Variants in NTM observed in about 807,000 individuals in gnomAD.
The protein encoded by NTM is IgLON family member 2.
In NTM, 13 loss-of-function variants were observed where a neutral mutation model predicts 42.1. That is an observed-to-expected ratio of 0.31 (90% CI 0.20 to 0.49). The LOEUF (loss-of-function observed/expected upper bound fraction) is 0.49, where lower values mean the gene tolerates loss of function less well. NTM is among the 20% of genes least tolerant of loss of function. The pLI, the probability that NTM is intolerant of heterozygous loss-of-function variation, is 0.99. For synonymous variants in NTM, 187 were observed against 179.2 expected (o/e 1.04, Z -0.35); for missense variants, 373 against 452.8 (o/e 0.82, Z 1.60).
chr11:132,280,568 C>T (rs1233033265), intron 4 of NTM, among the ~76,000 whole-genome samples: 2 of 150,246 alleles, frequency 1.3e-5, no homozygotes. Context: ...TCACTGCAAC[C>T]TCCACCTCCC....
At chr11:131,749,642 A>T (rs1404142839) in intron 1 of NTM, among the ~76,000 whole-genome samples, 1 of 152,152 alleles carries the variant, frequency 6.6e-6, no homozygotes, top group East Asian at 1.9e-4. Context: ...CTTGTCACCC[A>T]GGCTGGAGTG....
At chr11:131,833,987 TC>T (rs1206031531) in intron 1 of NTM, among the ~76,000 whole-genome samples, 1 of 152,196 alleles carries the variant, frequency 6.6e-6, no homozygotes, top group Admixed American at 6.5e-5. Flanking sequence ...TCAGGACTCA[TC>T]TAAGTTCTGG....
At chr11:132,171,997 A>G (rs1425946776) in intron 3 of NTM, among the ~76,000 whole-genome samples, 1 of 152,168 alleles carries the variant, frequency 6.6e-6, no homozygotes, top group African/African-American at 2.4e-5. Flanking sequence ...GCCTTGGCCT[A>G]TATTGGTGCT....
chr11:132,160,953 T>A (rs1168218520), intron 3 of NTM, among the ~76,000 whole-genome samples: 1 of 152,120 alleles, frequency 6.6e-6, no homozygotes, highest in Non-Finnish European at 1.5e-5. Context: ...GCCCTGCCGG[T>A]GACTTCGGGA....
intron 2 of NTM, among the ~76,000 whole-genome samples, chr11:131,967,221 G>A (rs1382227162): frequency 6.6e-6 from 1 of 152,184 alleles, no homozygotes; most frequent in East Asian, 1.9e-4. Context: ...GGGGTCATCA[G>A]CACACACATG....
chr11:132,275,127 T>G (rs1016129878), intron 4 of NTM, among the ~76,000 whole-genome samples: 1 of 152,180 alleles, frequency 6.6e-6, no homozygotes, highest in Admixed American at 6.5e-5. Flanking sequence ...CCTAAGGTCA[T>G]GAAGATGTTC....
chr11:131,488,618 G>A (rs1954446049), intron 1 of NTM, among the ~76,000 whole-genome samples: 1 of 152,162 alleles, frequency 6.6e-6, no homozygotes, highest in Non-Finnish European at 1.5e-5. Context: ...CAGGGTGGGA[G>A]GAATTCTTGG....
chr11:131,927,197 ATC>A (rs2058060144), intron 2 of NTM, among the ~76,000 whole-genome samples: 1 of 152,204 alleles, frequency 6.6e-6, no homozygotes, highest in Admixed American at 6.5e-5. Flanking sequence ...TTCTTGGATT[ATC>A]TCCATTTGTG....
At chr11:131,888,226 G>A (rs1460359154) in intron 1 of NTM, among the ~76,000 whole-genome samples, 2 of 151,974 alleles carry the variant, frequency 1.3e-5, no homozygotes, top group African/African-American at 4.8e-5. Flanking sequence ...GCTTGAACCC[G>A]GGAGGTGGAG....
At chr11:132,152,417 C>T (rs944572935) in intron 3 of NTM, among the ~76,000 whole-genome samples, 7 of 152,202 alleles carry the variant, frequency 4.6e-5, no homozygotes, top group East Asian at 3.9e-4. Flanking sequence ...GCATACTGAT[C>T]ATCCCAAACT....
chr11:131,823,457 C>T (rs1366054965), intron 1 of NTM, among the ~76,000 whole-genome samples: 3 of 152,058 alleles, frequency 2.0e-5, no homozygotes, highest in Non-Finnish European at 2.9e-5. Flanking sequence ...CGGCTCAGAC[C>T]CTGGTTGAAT....
chr11:131,711,799 C>T (rs1438813374), intron 1 of NTM, among the ~76,000 whole-genome samples: 1 of 151,624 alleles, frequency 6.6e-6, no homozygotes, highest in Non-Finnish European at 1.5e-5. Context: ...TACTATGCAG[C>T]CATAAAAAAT....
chr11:132,072,332 G>A (rs2057790885), intron 2 of NTM, among the ~76,000 whole-genome samples: 1 of 152,182 alleles, frequency 6.6e-6, no homozygotes, highest in East Asian at 1.9e-4. Flanking sequence ...GACTCCCGTA[G>A]GGAAGTAGGG....
intron 1 of NTM, among the ~76,000 whole-genome samples, chr11:131,636,966 T>C (rs1484351741): frequency 2.6e-5 from 4 of 152,104 alleles, no homozygotes; most frequent in Admixed American, 6.5e-5. Flanking sequence ...GCTAGATAGA[T>C]TGTCATCTTT....
At chr11:131,971,417 T>G (rs924950231) in intron 2 of NTM, among the ~76,000 whole-genome samples, 1 of 152,230 alleles carries the variant, frequency 6.6e-6, no homozygotes, top group Admixed American at 6.5e-5. Context: ...ATCTTTTTCT[T>G]GTAGATTTTC....
At chr11:131,591,401 T>C (rs2059357363) in intron 1 of NTM, among the ~76,000 whole-genome samples, 1 of 152,162 alleles carries the variant, frequency 6.6e-6, no homozygotes, top group Non-Finnish European at 1.5e-5. Flanking sequence ...GTCTATCTGC[T>C]GCTGACAGTC....
chr11:131,924,583 T>G (rs929927064), intron 2 of NTM, among the ~76,000 whole-genome samples: 1 of 152,192 alleles, frequency 6.6e-6, no homozygotes, highest in Non-Finnish European at 1.5e-5. Flanking sequence ...TGTGAAATTC[T>G]TTATGTTCTT....
intron 1 of NTM, among the ~76,000 whole-genome samples, chr11:131,808,612 C>T (rs747108267): frequency 2.0e-5 from 3 of 152,140 alleles, no homozygotes; most frequent in Non-Finnish European, 4.4e-5. Context: ...AGGTGTTGGT[C>T]CGGGGAAGTG....
intron 1 of NTM, among the ~76,000 whole-genome samples, chr11:131,593,661 C>T (rs1403070071): frequency 1.3e-5 from 2 of 152,248 alleles, no homozygotes; most frequent in African/African-American, 4.8e-5. Context: ...AAAGGTCATT[C>T]AGCTGATAGT....
Sources: allele counts gnomAD v4.1 joint callset (sites outside exome capture counted in the v4.1 genomes callset), GRCh38; gene constraint gnomAD v4.1.1; transcripts MANE v1.5; gene names NCBI Gene and HGNC (gene_info 2026-07-23, HGNC 2026-07-21).